TBC1D20: variants seen among roughly 807,000 people sequenced by gnomAD.
TBC1D20 encodes the protein chromosome 20 open reading frame 140.
In TBC1D20, 12 loss-of-function variants were observed where a neutral mutation model predicts 41.6. The ratio of observed to expected loss-of-function variants is 0.29; its 90% CI spans 0.18 to 0.47. TBC1D20 has a LOEUF of 0.47. Among genes scored for constraint, TBC1D20 ranks in the 20% least tolerant of loss-of-function variants. The probability of loss-of-function intolerance (pLI) is 1.00; values close to 1 mark genes in which losing one functional copy is unlikely to be tolerated. For synonymous variants in TBC1D20, 205 were observed against 204.8 expected (o/e 1.00, Z -0.01); for missense variants, 421 against 517.4 (o/e 0.81, Z 1.81).
At position 445,097 on chromosome 20, in the gene TBC1D20, T is replaced by C. The variant is rs777646888; in HGVS notation, c.290A>G (p.Gln97Arg). Reference protein sequence around the residue: ...KNLRQMSKDYQQVLLDVRRSL... With the variant: ...KNLRQMSKDYRQVLLDVRRSL... ...CCGCCGGACGTCCAGCAACACTTGTTGGTAGTCCTTGCTCATCTGCCGTAG... is the reference window on the plus strand; with the variant it reads ...CCGCCGGACGTCCAGCAACACTTGTCGGTAGTCCTTGCTCATCTGCCGTAG... The change falls in exon 3 of 8, where the codon CAA (glutamine) becomes CGA (arginine). Residue 97 changes from glutamine to arginine, a missense_variant. By Grantham distance (43) the Gln-to-Arg change is conservative. This residue lies in a region of TBC1D20 where 150 missense variants were observed against 151.3 expected (regional missense o/e 0.99). Coordinates refer to ENST00000354200, the MANE Select transcript of TBC1D20 (RefSeq NM_144628.4). 2.2e-5 allele frequency: 36 copies of C among 1,604,416 alleles called. No individual in the cohort carries two copies. Among genetic ancestry groups the C allele is most frequent in the African/African-American group, 1.3e-4 (10 of 74,694 alleles).
chr20:457,822 C>T (rs530078851), intron 1 of TBC1D20, among the ~76,000 whole-genome samples: 2 of 152,304 alleles, frequency 1.3e-5, no homozygotes, highest in East Asian at 3.9e-4. Context: ...GAAGACCAGG[C>T]TGTACGTTTT....
At position 439,256 on chromosome 20, in the gene TBC1D20, A is replaced by T. The variant is rs2017180341; in HGVS notation, c.808T>A (p.Cys270Ser). The change falls in exon 7 of 8, where the codon TGT becomes AGT. Residue 270 changes from cysteine to serine, a missense_variant. Physicochemically the swap from Cys to Ser is moderately radical, Grantham distance 112 (BLOSUM62 -1). Transcript: ENST00000354200. This position sits in a 1 kb window ranked among gnomAD's most constrained non-coding sequence, Gnocchi z 4.6. ...AGGTGGTGGACCGAGGCCATGTCAC[A>T]GTCACAGTCCAGGACTTCCTGCTCG... The part of the protein sequence containing the change: ...YREQEVLDCD[C>S]DMASVHHLLS... The T allele has an allele frequency of 6.2e-7, 1 of 1,613,966 alleles. No homozygotes were observed. The highest frequency in any genetic ancestry group is 1.7e-5 in the Admixed American group (1 of 59,972).
chr20:451,751 G>A (rs1322691151), intron 1 of TBC1D20, among the ~76,000 whole-genome samples: 1 of 151,984 alleles, frequency 6.6e-6, no homozygotes, highest in African/African-American at 2.4e-5. Flanking sequence ...CCAGGGTCTT[G>A]TTCAGTCACT....
chr20:438,398 CCT>C lies in TBC1D20; in HGVS notation c.*186_*187del. 1.5e-6 allele frequency: 1 copy of C among 654,140 alleles called. No homozygotes were observed. The allele number at this position is 654,140 out of a possible 1,614,324, so 40.5% of individuals were successfully genotyped here. On this transcript the variant is annotated 3_prime_UTR_variant, in exon 8 of 8. Transcript: ENST00000354200. ...GATTCTGTGCCAGGCCCCCAGGTCC[CCT>C]CTGTGTCAGGTAGGCTCTGCTACTG...
At position 439,950 on chromosome 20, in the gene TBC1D20, T is replaced by G. The variant is rs2017193894; in HGVS notation, c.768+298A>C. 6.6e-6 allele frequency among the ~76,000 whole-genome samples: 1 copy of G among 152,212 alleles called. No homozygotes were observed. Among genetic ancestry groups the G allele is most frequent in the African/African-American group, 2.4e-5 (1 of 41,454 alleles). On this transcript the variant is annotated intron_variant, in intron 6 of 7. Coordinates refer to ENST00000354200, the MANE Select transcript of TBC1D20 (RefSeq NM_144628.4). The surrounding 1 kb of genome is among the most constrained non-coding windows in gnomAD (Gnocchi z 4.6). ...ATTGTGTTCATCAGCTGAACATATA[T>G]TCCAGACAATGTCAACAGGAACCCT...
At position 438,701 on chromosome 20, in the gene TBC1D20, C is replaced by T. The variant is rs780055180; in HGVS notation, c.1097G>A (p.Arg366His). Residue 366 changes from arginine to histidine, a missense_variant, in exon 8 of 8, where the codon CGC becomes CAC. By Grantham distance (29) the Arg-to-His change is conservative (BLOSUM62 0). Transcript: ENST00000354200. ...KDVLTKPRTN[R>H]FVKLAVMGLT... ...CCCCATCACTGCCAATTTCACAAAG[C>T]GGTTGGTCCTTGGCTTGGTCAGGAC... The T allele has an allele frequency of 5.0e-6, 8 of 1,614,232 alleles. No homozygotes were observed. Among genetic ancestry groups the T allele is most frequent in the Non-Finnish European group, 5.9e-6 (7 of 1,180,038 alleles).
At chr20:443,467 C>T (rs1452363278) in intron 3 of TBC1D20, among the ~76,000 whole-genome samples, 2 of 152,172 alleles carry the variant, frequency 1.3e-5, no homozygotes, top group Non-Finnish European at 2.9e-5. Context: ...CAGTTACAAA[C>T]ACATACTCAG....
At chr20:454,650 C>CGTTATT in intron 1 of TBC1D20, among the ~76,000 whole-genome samples, 1 of 149,582 alleles carries the variant, frequency 6.7e-6, no homozygotes, top group South Asian at 2.1e-4. Context: ...CAAAGCTGTA[C>CGTTATT]ATTATTATTA....
In TBC1D20 at chr20:462,366, CG is replaced by C; in HGVS notation, c.39del (p.Gly14AlafsTer27). ...LRSAQGDGPT[S>X]GHWDGGAEKA... ...TTCTCCGCGCCGCCGTCCCAGTGGC[CG>C]GAGGTGGGGCCGTCGCCCTGCGCAC... On this transcript the variant is annotated frameshift_variant, in exon 1 of 8. Transcript: ENST00000354200. LOFTEE classifies it high-confidence loss of function. 2 of 1,307,002 alleles carry C rather than the reference CG, an allele frequency of 1.5e-6. No homozygotes were observed. The highest frequency in any genetic ancestry group is 1.9e-5 in the South Asian group (1 of 52,622). The allele number at this position is 1,307,002 out of a possible 1,614,324, so 81.0% of individuals were successfully genotyped here. A position where few individuals can be genotyped will look rare whatever the true frequency, so the allele number is the denominator to read the frequency against.
chr20:460,344 A>G (rs949543134), intron 1 of TBC1D20, among the ~76,000 whole-genome samples: 1 of 151,790 alleles, frequency 6.6e-6, no homozygotes, highest in Non-Finnish European at 1.5e-5. Flanking sequence ...AGGTGGGAGG[A>G]GCACTTAAGT....
intron 1 of TBC1D20, among the ~76,000 whole-genome samples, chr20:448,508 G>C (rs767765290): frequency 1.3e-4 from 20 of 151,874 alleles, no homozygotes; most frequent in Non-Finnish European, 2.4e-4. Context: ...GGCCAATATG[G>C]TGAACCCCCG....
chr20:447,817 T>TA, intron 2 of TBC1D20, 72 bp downstream of exon 2: 1 of 1,362,848 alleles, frequency 7.3e-7, no homozygotes. Flanking sequence ...CCATAAAAAT[T>TA]AAAGATCCTG....
chr20:457,947 A>ATT (rs147952122), intron 1 of TBC1D20, among the ~76,000 whole-genome samples: 3 of 151,840 alleles, frequency 2.0e-5, no homozygotes, highest in Non-Finnish European at 2.9e-5. Flanking sequence ...AACATATTTA[A>ATT]TTTTTTTTTA....
At chr20:461,849 T>C (rs894684277) in intron 1 of TBC1D20, among the ~76,000 whole-genome samples, 4 of 152,270 alleles carry the variant, frequency 2.6e-5, no homozygotes, top group African/African-American at 9.6e-5. Context: ...CACTGAACTG[T>C]GCACCTTAAA....
chr20:462,338 G>T lies in TBC1D20; in HGVS notation c.68C>A (p.Ala23Glu). The change falls in exon 1 of 8, where the codon GCA (alanine) becomes GAA (glutamate). Residue 23 changes from alanine to glutamate, a missense_variant and splice_region_variant. By Grantham distance (107) the Ala-to-Glu change is moderately radical (BLOSUM62 -1). Around this residue, in one of 3 missense-constraint regions of TBC1D20, gnomAD observed 150 missense variants for 151.3 expected, o/e 0.99. Coordinates refer to ENST00000354200, the MANE Select transcript of TBC1D20 (RefSeq NM_144628.4). ...GGCGCCCCGGTCGGCTTCCGTACCT[G>T]CCTTCTCCGCGCCGCCGTCCCAGTG... is the stretch of plus-strand genomic sequence containing the variant. Reference protein sequence around the residue: ...SGHWDGGAEKADFNAKRKKKV... With the variant: ...SGHWDGGAEKEDFNAKRKKKV... The T allele has an allele frequency of 7.7e-7, 1 of 1,304,734 alleles. No homozygotes were observed. The highest frequency in any genetic ancestry group is 1.9e-5 in the South Asian group (1 of 52,106). The allele number at this position is 1,304,734 out of a possible 1,614,324, so 80.8% of individuals were successfully genotyped here. A position where few individuals can be genotyped will look rare whatever the true frequency, so the allele number is the denominator to read the frequency against.
intron 1 of TBC1D20, 74 bp downstream of exon 1, chr20:462,262 C>A: frequency 1.8e-6 from 2 of 1,094,862 alleles, no homozygotes; most frequent in South Asian, 3.9e-5. Flanking sequence ...CCTCCGGCGC[C>A]GCCTCCGCCA....
chr20:460,803 T>C (rs753673115), intron 1 of TBC1D20, among the ~76,000 whole-genome samples: 94 of 152,204 alleles, frequency 6.2e-4, no homozygotes, highest in Non-Finnish European at 5.3e-4. Flanking sequence ...AAAAACCTCA[T>C]CTTTAAATTT....
chr20:448,180 C>A, intron 1 of TBC1D20, 106 bp from the exon 2 acceptor site: 1 of 729,588 alleles, frequency 1.4e-6, no homozygotes, highest in South Asian at 1.9e-5. Flanking sequence ...AGTATCTCCT[C>A]TTAGCTCTAA....
chr20:459,121 G>A (rs187054314), intron 1 of TBC1D20, among the ~76,000 whole-genome samples: 22 of 152,308 alleles, frequency 1.4e-4, no homozygotes, highest in Admixed American at 1.2e-3. Context: ...ACTGCTAGAC[G>A]ACACAGGGAG....
Sources: gnomAD v4.1 joint callset for allele counts (sites outside exome capture counted in the v4.1 genomes callset) on GRCh38, gnomAD v4.1.1 for gene constraint, gnomAD v4.1.1 regional missense constraint, Gnocchi (gnomAD v3.1) non-coding constraint, MANE v1.5 for transcripts, NCBI Gene and HGNC (gene_info 2026-07-23, HGNC 2026-07-21) for gene names.